The following AKAP6 variants were observed in gnomAD, a reference collection of about 807,000 sequenced individuals.
The protein encoded by AKAP6 is A-kinase anchoring protein 6, also known as A-kinase anchor protein 6.
AKAP6 carries 58 observed loss-of-function variants against 188.5 expected under a neutral mutation model. That is an observed-to-expected ratio of 0.31 (90% CI 0.25 to 0.38). AKAP6 has a LOEUF of 0.38. AKAP6 is among the 10% of genes least tolerant of loss of function. The probability of loss-of-function intolerance (pLI) is 1.00; values close to 1 mark genes in which losing one functional copy is unlikely to be tolerated. For missense variants in AKAP6, 2,710 were observed against 2,740.0 expected (o/e 0.99, Z 0.24); for synonymous variants, 989 against 998.6 (o/e 0.99, Z 0.18).
chr14:32,788,450 A>T (rs1476740537), intron 12 of AKAP6, among the ~76,000 whole-genome samples: 1 of 152,208 alleles, frequency 6.6e-6, no homozygotes, highest in Admixed American at 6.5e-5. Flanking sequence ...AGCACCTTCA[A>T]CTTATATATC....
At chr14:32,339,910 C>T (rs1047196690) in intron 1 of AKAP6, among the ~76,000 whole-genome samples, 1 of 151,570 alleles carries the variant, frequency 6.6e-6, no homozygotes, top group African/African-American at 2.4e-5. Flanking sequence ...GAATTTTGTA[C>T]CAAAGGCATA....
chr14:32,512,904 G>A (rs1171683295), intron 2 of AKAP6, among the ~76,000 whole-genome samples: 2 of 152,160 alleles, frequency 1.3e-5, no homozygotes, highest in Non-Finnish European at 2.9e-5. Context: ...GTTAGTGAAA[G>A]TAAACATAAG....
chr14:32,517,913 C>T (rs777254029), intron 2 of AKAP6, among the ~76,000 whole-genome samples: 20 of 152,232 alleles, frequency 1.3e-4, no homozygotes, highest in African/African-American at 1.9e-4. Flanking sequence ...GGGTCCCTGA[C>T]GCCCGAGTAG....
chr14:32,429,938 A>G (rs538163447), intron 1 of AKAP6, among the ~76,000 whole-genome samples: 3 of 152,354 alleles, frequency 2.0e-5, no homozygotes, highest in East Asian at 1.9e-4. Context: ...TGTCTTCTAC[A>G]TATATAACCA....
intron 8 of AKAP6, among the ~76,000 whole-genome samples, chr14:32,683,039 G>A (rs1227569953): frequency 7.3e-6 from 1 of 137,478 alleles, no homozygotes; most frequent in African/African-American, 2.8e-5. Context: ...TGTCGCCCAG[G>A]CTGGAGTGCA....
chr14:32,707,178 CTTATT>C (rs72224164), intron 9 of AKAP6, among the ~76,000 whole-genome samples: 23,679 of 151,950 alleles, frequency 0.16, 2,364 homozygotes, highest in Non-Finnish European at 0.24. Context: ...AAAGTATTAA[CTTATT>C]TAATTTAAAA....
At position 32,599,471 on chromosome 14, in the gene AKAP6, A is replaced by T; in HGVS notation, c.2531A>T (p.His844Leu). 2.5e-6 allele frequency: 4 copies of T among 1,613,470 alleles called. No individual in the cohort carries two copies. The highest frequency in any genetic ancestry group is 3.4e-6 in the Non-Finnish European group (4 of 1,179,602). Residue 844 changes from histidine (H) to leucine (L), a missense_variant, in exon 6 of 14, where the codon CAC becomes CTC. His to Leu is a moderately conservative substitution (Grantham distance 99, BLOSUM62 -3). Transcript: ENST00000280979. ...AAGGAAGCTGTGGAGGAGGAAGGACACCAACTTCTTGAGCTTATTGCATCT... is the reference window on the plus strand; with the variant it reads ...AAGGAAGCTGTGGAGGAGGAAGGACTCCAACTTCTTGAGCTTATTGCATCT... ...ALKEAVEEEGHQLLELIASHK... is the reference protein window; with the variant it reads ...ALKEAVEEEGLQLLELIASHK...
intron 11 of AKAP6, among the ~76,000 whole-genome samples, chr14:32,766,379 G>T (rs1436063428): frequency 6.6e-6 from 1 of 152,060 alleles, no homozygotes; most frequent in Non-Finnish European, 1.5e-5. Context: ...TATTCAAAAG[G>T]AAATCGCTGG....
chr14:32,493,012 G>T (rs1010601056), intron 2 of AKAP6, among the ~76,000 whole-genome samples: 2 of 152,152 alleles, frequency 1.3e-5, no homozygotes, highest in South Asian at 2.1e-4. Flanking sequence ...TATCACAAAT[G>T]GAAGAACCTC....
intron 5 of AKAP6, among the ~76,000 whole-genome samples, chr14:32,593,773 A>T (rs1310553756): frequency 6.6e-6 from 1 of 152,170 alleles, no homozygotes; most frequent in Non-Finnish European, 1.5e-5. Flanking sequence ...CCCAGGGCAC[A>T]CACTTGAGGC....
In AKAP6 at chr14:32,830,096, A is replaced by C. The variant is rs2034790493; in HGVS notation, c.*291A>C. The stretch of plus-strand genomic sequence containing the variant: ...TTCCTGTCCCAAGCTACCTCTACCA[A>C]CCCTCTCTCTCCAGCTAGACTTTTC... On this transcript the variant is annotated 3_prime_UTR_variant, in exon 14 of 14. Coordinates refer to ENST00000280979, the MANE Select transcript of AKAP6 (RefSeq NM_004274.5). 6.5e-6 allele frequency: 4 copies of C among 617,266 alleles called. No homozygotes were observed. The highest frequency in any genetic ancestry group is 4.8e-5 in the Admixed American group (2 of 41,724). The allele number at this position is 617,266 out of a possible 1,614,324, so 38.2% of individuals were successfully genotyped here.
intron 2 of AKAP6, among the ~76,000 whole-genome samples, chr14:32,464,417 C>T (rs575735270): frequency 9.8e-4 from 149 of 152,284 alleles, no homozygotes; most frequent in Non-Finnish European, 1.6e-3. Flanking sequence ...TGGCTTCATC[C>T]CTGGGATGCA....
At position 32,704,536 on chromosome 14, in the gene AKAP6, A is replaced by G. The variant is rs559307968; in HGVS notation, c.3000+8426A>G. On this transcript the variant is annotated intron_variant, in intron 9 of 13. Transcript: ENST00000280979. ...GACTTCATAGCAGTGACCCTCACCT[A>G]CTTTTTAGTATGTCCTGTTTTTAAA... Among the ~76,000 whole-genome samples the G allele has an allele frequency of 3.3e-5, 5 of 152,284 alleles. No individual in the cohort carries two copies. The South Asian group carries it at 6.2e-4, about 19-fold the overall frequency.
chr14:32,559,081 A>G (rs1460400569), intron 4 of AKAP6, among the ~76,000 whole-genome samples: 10 of 152,262 alleles, frequency 6.6e-5, no homozygotes, highest in African/African-American at 1.9e-4. Flanking sequence ...AAGTGTTTGC[A>G]TAGCATAGAC....
At chr14:32,369,360 G>C (rs7145238) in intron 1 of AKAP6, among the ~76,000 whole-genome samples, 148,993 of 152,376 alleles carry the variant, frequency 0.98, 72,856 homozygotes, top group East Asian at 1. Flanking sequence ...GTCATTAGAT[G>C]TGTTACAGAT....
chr14:32,564,975 A>T (rs1884122282), intron 4 of AKAP6, among the ~76,000 whole-genome samples: 1 of 152,176 alleles, frequency 6.6e-6, no homozygotes, highest in Admixed American at 6.5e-5. Context: ...GTTGATTTTG[A>T]GGCACAGCCA....
At chr14:32,592,383 T>G (rs1885521950) in intron 5 of AKAP6, among the ~76,000 whole-genome samples, 1 of 152,080 alleles carries the variant, frequency 6.6e-6, no homozygotes, top group South Asian at 2.1e-4. Context: ...ACCAGTTAGG[T>G]GGAAGATGGT....
In AKAP6 at chr14:32,433,568, C is replaced by T. The variant is rs1462037969; in HGVS notation, c.75C>T (p.Pro25=). 5 of 1,614,030 alleles carry T rather than the reference C, an allele frequency of 3.1e-6. No individual in the cohort carries two copies. Among genetic ancestry groups the T allele is most frequent in the Non-Finnish European group, 4.2e-6 (5 of 1,180,030 alleles). Residue 25 remains proline, a synonymous_variant, in exon 2 of 14, where the codon CCC becomes CCT. Transcript: ENST00000280979. The part of the protein sequence containing the change: ...DLDPMATDAS[P]MAINMTPTVE... ...ATCCCATGGCTACTGATGCTTCACC[C>T]ATGGCCATCAACATGACACCCACTG...
chr14:32,475,457 A>T (rs747373674), intron 2 of AKAP6, among the ~76,000 whole-genome samples: 9 of 152,114 alleles, frequency 5.9e-5, no homozygotes, highest in Non-Finnish European at 1.3e-4. Context: ...TTTAAAGGTG[A>T]TATTTTGGGC....
Sources: gnomAD v4.1 joint callset for allele counts (sites outside exome capture counted in the v4.1 genomes callset) on GRCh38, gnomAD v4.1.1 for gene constraint, MANE v1.5 for transcripts, NCBI Gene and HGNC (gene_info 2026-07-23, HGNC 2026-07-21) for gene names.